Variants in GPHN observed in about 807,000 individuals in gnomAD.
The protein encoded by GPHN is gephyrin.
A neutral mutation model predicts 95.5 loss-of-function variants in GPHN; 17 were observed. That is an observed-to-expected ratio of 0.18 (90% CI 0.12 to 0.27). GPHN has a LOEUF of 0.27. Among genes scored for constraint, GPHN ranks in the 10% least tolerant of loss-of-function variants. The pLI is 1.00. For missense variants in GPHN, 660 were observed against 978.1 expected (o/e 0.67, Z 4.34); for synonymous variants, 320 against 322.5 (o/e 0.99, Z 0.08).
chr14:67,009,146 CTT>C (rs1039377580), intron 9 of GPHN, among the ~76,000 whole-genome samples: 11 of 152,108 alleles, frequency 7.2e-5, no homozygotes, highest in South Asian at 2.1e-4. Context: ...TCACCTGTCT[CTT>C]TATTTCTAGT....
chr14:67,094,121 T>C (rs2077250059), intron 12 of GPHN, among the ~76,000 whole-genome samples: 1 of 152,112 alleles, frequency 6.6e-6, no homozygotes, highest in Non-Finnish European at 1.5e-5. Context: ...TCAAGAGACT[T>C]AAAGAAAGAT....
chr14:67,124,858 A>G (rs1343368962), intron 17 of GPHN, among the ~76,000 whole-genome samples: 1 of 151,700 alleles, frequency 6.6e-6, no homozygotes, highest in Non-Finnish European at 1.5e-5. Context: ...ATATACTGCC[A>G]TTATCTTGAA....
At chr14:67,360,618 T>C in the GPHN span, 1 of 167,922 alleles carries the variant, frequency 6.0e-6, no homozygotes, top group Non-Finnish European at 1.3e-5. Context: ...GTCGTGGGCC[T>C]CCTCGCCGGC....
the GPHN span, chr14:67,690,479 G>A: frequency 1.2e-5 from 17 of 1,454,308 alleles, no homozygotes; most frequent in Admixed American, 3.4e-5. Flanking sequence ...GACAGGAGTC[G>A]TGGTGAGCAG....
At chr14:66,809,003 TATTA>T (rs2060656838) in intron 3 of GPHN, among the ~76,000 whole-genome samples, 2 of 152,192 alleles carry the variant, frequency 1.3e-5, no homozygotes, top group Non-Finnish European at 1.5e-5. Flanking sequence ...GTCAAGGGAT[TATTA>T]ATTCTATTTG....
intron 13 of GPHN, among the ~76,000 whole-genome samples, chr14:67,103,392 A>G (rs2077836395): frequency 6.6e-6 from 1 of 151,414 alleles, no homozygotes; most frequent in Non-Finnish European, 1.5e-5. Flanking sequence ...TTCTGTGAAG[A>G]TTGTCATTGG....
intron 3 of GPHN, among the ~76,000 whole-genome samples, chr14:66,819,880 A>G (rs1295553517): frequency 6.6e-6 from 1 of 152,186 alleles, no homozygotes; most frequent in Non-Finnish European, 1.5e-5. Context: ...AGTGAAAGAC[A>G]TAGCTATTTA....
At chr14:67,418,883 G>A in the GPHN span, among the ~76,000 whole-genome samples, 6 of 152,192 alleles carry the variant, frequency 3.9e-5, no homozygotes, top group African/African-American at 9.7e-5. Context: ...AAGCTGGAAC[G>A]CCTTGAGAGG....
chr14:67,603,643 G>T, the GPHN span, among the ~76,000 whole-genome samples: 2 of 152,174 alleles, frequency 1.3e-5, no homozygotes, highest in African/African-American at 2.4e-5. Flanking sequence ...ATGAGCCACT[G>T]CACCCAGTCA....
At chr14:66,694,739 A>G (rs1027497997) in intron 2 of GPHN, among the ~76,000 whole-genome samples, 6 of 152,232 alleles carry the variant, frequency 3.9e-5, no homozygotes, top group Non-Finnish European at 8.8e-5. Flanking sequence ...TCTGCTCTAC[A>G]AACACAATGC....
the GPHN span, among the ~76,000 whole-genome samples, chr14:67,413,736 C>T: frequency 6.6e-6 from 1 of 152,216 alleles, no homozygotes; most frequent in Non-Finnish European, 1.5e-5. Flanking sequence ...TCTGCACTAA[C>T]TGGCCTTCAG....
the GPHN span, chr14:67,725,123 G>A: frequency 1.2e-6 from 2 of 1,614,058 alleles, no homozygotes; most frequent in African/African-American, 2.7e-5. Flanking sequence ...ATTGCCTGCA[G>A]AGATGTACTG....
chr14:67,686,397 G>C, the GPHN span: 1 of 152,214 alleles, frequency 6.6e-6, no homozygotes, highest in African/African-American at 2.4e-5. Context: ...CTAGCATTTT[G>C]GGAGGCCAAG....
At chr14:66,801,507 C>G (rs979017192) in intron 3 of GPHN, among the ~76,000 whole-genome samples, 8 of 151,890 alleles carry the variant, frequency 5.3e-5, no homozygotes, top group Non-Finnish European at 1.0e-4. Flanking sequence ...CTATTGTTGT[C>G]CTCCCTTCCT....
At chr14:66,548,716 A>T in intron 1 of GPHN, among the ~76,000 whole-genome samples, 1 of 152,220 alleles carries the variant, frequency 6.6e-6, no homozygotes, top group East Asian at 1.9e-4. Flanking sequence ...TTAATGTGAG[A>T]CACATCCCTC....
At position 66,529,367 on chromosome 14, in the gene GPHN, A is replaced by G. The variant is rs118005213; in HGVS notation, c.64+20776A>G. ...GTTATTCTAGTTAGCAATTTGTCTA[A>G]CCTTATTTCAAGGTTCTTAGCTTCT... On this transcript the variant is annotated intron_variant, in intron 1 of 22. Transcript: ENST00000478722. Among the ~76,000 whole-genome samples, 1,126 of 151,750 alleles carry G rather than the reference A, an allele frequency of 7.4e-3. 4 individuals carry two copies. Among genetic ancestry groups the G allele is most frequent in the Admixed American group, 0.01 (153 of 15,248 alleles).
chr14:67,327,446 T>C, the GPHN span, among the ~76,000 whole-genome samples: 1 of 151,996 alleles, frequency 6.6e-6, no homozygotes, highest in Non-Finnish European at 1.5e-5. Flanking sequence ...TTTTTTTTTT[T>C]CCGGGGTGTG....
intron 10 of GPHN, among the ~76,000 whole-genome samples, chr14:67,026,791 C>T (rs1289194739): frequency 2.6e-5 from 4 of 152,062 alleles, no homozygotes; most frequent in Non-Finnish European, 5.9e-5. Context: ...TACAGGTGCC[C>T]GCCACCTCGC....
chr14:67,101,082 T>G (rs2077674769), intron 13 of GPHN, among the ~76,000 whole-genome samples, 171 bp downstream of exon 13: 1 of 152,216 alleles, frequency 6.6e-6, no homozygotes, highest in African/African-American at 2.4e-5. Flanking sequence ...TATTTCTTAA[T>G]TGAAAGTATC....
Sources: gnomAD v4.1 joint callset for allele counts (sites outside exome capture counted in the v4.1 genomes callset) on GRCh38, gnomAD v4.1.1 for gene constraint, MANE v1.5 for transcripts, NCBI Gene and HGNC (gene_info 2026-07-23, HGNC 2026-07-21) for gene names.